SUN2: variants seen among roughly 807,000 people sequenced by gnomAD.
The protein encoded by SUN2 is SUN domain-containing protein 2.
Under a neutral mutation model 100.0 loss-of-function variants are expected in SUN2, and 60 were observed. The observed-to-expected ratio is 0.60, with a 90% CI of 0.49 to 0.74. The LOEUF (loss-of-function observed/expected upper bound fraction) is 0.74. Ranked by LOEUF, SUN2 falls within the 30% of genes least tolerant of loss-of-function variation. SUN2 has a pLI of 0.00. For missense variants in SUN2, 834 were observed against 954.6 expected, an observed-to-expected ratio of 0.87 and a Z score of 1.66; for synonymous variants, 367 against 403.3, an observed-to-expected ratio of 0.91 and a Z score of 1.08.
chr22:38,754,189 C>T (rs767598943), intron 1 of SUN2, among the ~76,000 whole-genome samples: 2 of 152,134 alleles, frequency 1.3e-5, no homozygotes, highest in Non-Finnish European at 2.9e-5. Flanking sequence ...GTCTAGACAC[C>T]CGAATTCAAA....
Position 38,736,164 on chromosome 22 carries a change from T to C in SUN2, c.*103A>G, listed in dbSNP as rs530243555. On this transcript the variant is annotated 3_prime_UTR_variant, in exon 18 of 18. Transcript: ENST00000689035. Reference sequence around the variant, plus strand: ...CTGCATGGGGCCACAGGCTCCTCTCTTGTGCTCCTAGAAGTCAGAGCGCCG... The same window carrying C: ...CTGCATGGGGCCACAGGCTCCTCTCCTGTGCTCCTAGAAGTCAGAGCGCCG... 2 of 1,127,506 alleles carry C rather than the reference T, an allele frequency of 1.8e-6. No individual in the cohort carries two copies. The highest frequency in any genetic ancestry group is 1.3e-6 in the Non-Finnish European group (1 of 746,400). 69.8% of individuals were successfully genotyped at this position (1,127,506 alleles called of 1,614,324 possible).
At position 38,755,503 on chromosome 22, in the gene SUN2, C is replaced by T; in HGVS notation, c.-38+260G>A. On this transcript the variant is annotated intron_variant, in intron 1 of 17. Transcript: ENST00000689035. This position sits in a 1 kb window ranked among gnomAD's most constrained non-coding sequence, Gnocchi z 5.7. Reference sequence around the variant, plus strand: ...GGGGCAGTCGGCCTTTGCCCTCCTCCTCCCGGGAGGCTGCCCGGGAAGTCC... The same window carrying T: ...GGGGCAGTCGGCCTTTGCCCTCCTCTTCCCGGGAGGCTGCCCGGGAAGTCC... 8 of 986,144 alleles carry T rather than the reference C, an allele frequency of 8.1e-6. No homozygotes were observed. The highest frequency in any genetic ancestry group is 9.6e-6 in the Non-Finnish European group (8 of 830,196). 61.1% of individuals were successfully genotyped at this position (986,144 alleles called of 1,614,324 possible).
chr22:38,742,155 A>G (rs1228834819), intron 9 of SUN2, 146 bp downstream of exon 9: 7 of 1,116,768 alleles, frequency 6.3e-6, no homozygotes, highest in African/African-American at 1.6e-5. Flanking sequence ...AAAGAAAAAA[A>G]AAAAAGAAAA....
chr22:38,740,183 G>A lies in SUN2; in HGVS notation c.1356+84C>T, dbSNP rs2092842627. The stretch of plus-strand genomic sequence containing the variant: ...GGCATAACAGAGGCTGCAGGGGCAA[G>A]GGGTGCTGCTTTGCAGGCCCCAGGA... On this transcript the variant is annotated intron_variant, in intron 12 of 17. Coordinates refer to ENST00000689035, the MANE Select transcript of SUN2 (RefSeq NM_015374.3). This position sits in a 1 kb window ranked among gnomAD's most constrained non-coding sequence, Gnocchi z 4.8. 1.4e-6 allele frequency: 2 copies of A among 1,432,232 alleles called. No individual in the cohort carries two copies. Among genetic ancestry groups the A allele is most frequent in the Admixed American group, 5.5e-5 (2 of 36,620 alleles). The allele number at this position is 1,432,232 out of a possible 1,614,324, so 88.7% of individuals were successfully genotyped here.
At chr22:38,747,346 A>G (rs532632207) in intron 7 of SUN2, among the ~76,000 whole-genome samples, 12 of 152,038 alleles carry the variant, frequency 7.9e-5, no homozygotes, top group East Asian at 1.9e-4. Context: ...AAAAAAAAAA[A>G]AAGAAGAAGA....
At chr22:38,754,559 T>A in intron 1 of SUN2, 1 of 1,082,038 alleles carries the variant, frequency 9.2e-7, no homozygotes, top group South Asian at 1.3e-5. Context: ...AAGCAGGAAG[T>A]TGGCCTGGGT....
At chr22:38,748,506 A>G (rs1009733573) in intron 7 of SUN2, among the ~76,000 whole-genome samples, 4 of 152,198 alleles carry the variant, frequency 2.6e-5, no homozygotes, top group Non-Finnish European at 4.4e-5. Flanking sequence ...TTGCGGCACT[A>G]GGGTGTGCTC....
Position 38,738,290 on chromosome 22 carries a change from G to A in SUN2, c.1948-25C>T. The A allele has an allele frequency of 6.3e-7, 1 of 1,598,544 alleles. No homozygotes were observed. The highest frequency in any genetic ancestry group is 8.6e-7 in the Non-Finnish European group (1 of 1,167,202). On this transcript the variant is annotated intron_variant, in intron 16 of 17. Coordinates refer to ENST00000689035, the MANE Select transcript of SUN2 (RefSeq NM_015374.3). This position sits in a 1 kb window ranked among gnomAD's most constrained non-coding sequence, Gnocchi z 6.6. ...CCTGCAAAGAGAGCGGAGGGAAGTGGGGAGGGGCTGGAGCAGGGAGAACAC... is the reference window on the plus strand; with the variant it reads ...CCTGCAAAGAGAGCGGAGGGAAGTGAGGAGGGGCTGGAGCAGGGAGAACAC...
chr22:38,755,493 TG>T lies in SUN2; in HGVS notation c.-38+269del, dbSNP rs1357339199. 1 of 986,660 alleles carries T rather than the reference TG, an allele frequency of 1.0e-6. No individual in the cohort carries two copies. Among genetic ancestry groups the T allele is most frequent in the Non-Finnish European group, 1.2e-6 (1 of 830,706 alleles). The allele number at this position is 986,660 out of a possible 1,614,324, so 61.1% of individuals were successfully genotyped here. A position where few individuals can be genotyped will look rare whatever the true frequency, so the allele number is the denominator to read the frequency against. ...GGGCCGGGTTGGGGCAGTCGGCCTT[TG>T]CCCTCCTCCTCCCGGGAGGCTGCCC... On this transcript the variant is annotated intron_variant, in intron 1 of 17. Coordinates refer to ENST00000689035, the MANE Select transcript of SUN2 (RefSeq NM_015374.3). The surrounding 1 kb of genome is among the most constrained non-coding windows in gnomAD (Gnocchi z 5.7).
At chr22:38,748,467 T>C (rs1214553152) in intron 7 of SUN2, among the ~76,000 whole-genome samples, 2 of 152,200 alleles carry the variant, frequency 1.3e-5, no homozygotes, top group Non-Finnish European at 2.9e-5. Context: ...CTAATGATAA[T>C]GGGAGGGCAT....
In SUN2 at chr22:38,738,801, C is replaced by T. The variant is rs762142084; in HGVS notation, c.1780-47G>A. 2.5e-6 allele frequency: 4 copies of T among 1,603,420 alleles called. No homozygotes were observed. The East Asian group carries it at 6.7e-5, about 27-fold the overall frequency. The stretch of plus-strand genomic sequence containing the variant: ...TCAGGACAGGGCCCTGAGTCCAGCT[C>T]TTGCTGACCCCAGATGGGACCAGCC... On this transcript the variant is annotated intron_variant, in intron 15 of 17. Transcript: ENST00000689035. This position sits in a 1 kb window ranked among gnomAD's most constrained non-coding sequence, Gnocchi z 6.6.
At position 38,751,129 on chromosome 22, in the gene SUN2, G is replaced by A. The variant is rs1405724331; in HGVS notation, c.286+81C>T. 5 of 1,606,042 alleles carry A rather than the reference G, an allele frequency of 3.1e-6. No individual in the cohort carries two copies. In the African/African-American group the frequency reaches 6.7e-5, roughly 22 times the overall value. ...GAGGTGCTCTGAGGAGGGAATCCCGGGGACTGCAGGGGACACTGTGAGGAG... is the reference window on the plus strand; with the variant it reads ...GAGGTGCTCTGAGGAGGGAATCCCGAGGACTGCAGGGGACACTGTGAGGAG... On this transcript the variant is annotated intron_variant, in intron 3 of 17. Transcript: ENST00000689035.
At position 38,740,936 on chromosome 22, in the gene SUN2, C is replaced by T. The variant is rs1414024798; in HGVS notation, c.1190+71G>A. The T allele has an allele frequency of 6.7e-7, 1 of 1,484,354 alleles. No individual in the cohort carries two copies. The highest frequency in any genetic ancestry group is 9.2e-7 in the Non-Finnish European group (1 of 1,087,430). 91.9% of individuals were successfully genotyped at this position (1,484,354 alleles called of 1,614,324 possible). On this transcript the variant is annotated intron_variant, in intron 11 of 17. Coordinates refer to ENST00000689035, the MANE Select transcript of SUN2 (RefSeq NM_015374.3). This position sits in a 1 kb window ranked among gnomAD's most constrained non-coding sequence, Gnocchi z 4.8. ...GAACTCTCTGCTCTGCGGCTCTGCT[C>T]CCCAGTCCTGCCTGGAGAGTGGGTG... is the stretch of plus-strand genomic sequence containing the variant.
At position 38,737,540 on chromosome 22, in the gene SUN2, C is replaced by T. The variant is rs1475376577; in HGVS notation, c.2040+633G>A. Among the ~76,000 whole-genome samples the T allele has an allele frequency of 6.6e-6, 1 of 152,152 alleles. No homozygotes were observed. Among genetic ancestry groups the T allele is most frequent in the East Asian group, 1.9e-4 (1 of 5,196 alleles). On this transcript the variant is annotated intron_variant, in intron 17 of 17. Transcript: ENST00000689035. The surrounding 1 kb of genome is among the most constrained non-coding windows in gnomAD (Gnocchi z 4.1). ...TCACCTGAAGCACAGCACTGCCTCC[C>T]CCAGGTCCCTGAGGGCTTATTTCCT...
chr22:38,744,432 T>C (rs1457712992), intron 8 of SUN2, among the ~76,000 whole-genome samples: 2 of 151,550 alleles, frequency 1.3e-5, no homozygotes, highest in African/African-American at 4.9e-5. Flanking sequence ...TTTTTAAAAA[T>C]TTGACAGACA....
chr22:38,748,841 C>T, intron 6 of SUN2, 58 bp from the exon 7 acceptor site: 1 of 1,547,780 alleles, frequency 6.5e-7, no homozygotes. Flanking sequence ...AGCTCCAGGC[C>T]TCCACGTTCC....
Position 38,734,835 on chromosome 22 carries a change from A to G in SUN2, c.*1432T>C, listed in dbSNP as rs2092787458. 1 of 185,034 alleles carries G rather than the reference A, an allele frequency of 5.4e-6. No individual in the cohort carries two copies. The highest frequency in any genetic ancestry group is 2.4e-5 in the African/African-American group (1 of 41,794). 11.5% of individuals were successfully genotyped at this position (185,034 alleles called of 1,614,324 possible). The stretch of plus-strand genomic sequence containing the variant: ...CATTTGTGACAGGAGAGCGCAAAAC[A>G]AACCCTGGCTGCCTCGGGATGGAGC... On this transcript the variant is annotated 3_prime_UTR_variant, in exon 18 of 18. Transcript: ENST00000689035.
Position 38,738,229 on chromosome 22 carries a change from G to T in SUN2, c.1984C>A (p.Leu662Ile), listed in dbSNP as rs781644199. ...TCCTGATCGTAAGTGAACTTGCCAA[G>T]GAGTGTCCCCTCCTGCTGCAGGTCT... ...DEDLQQEGTL[L>I]GKFTYDQDGE... The change falls in exon 17 of 18, where the codon CTT becomes ATT. Residue 662 changes from leucine to isoleucine, a missense_variant. Physicochemically the swap from Leu to Ile is conservative, Grantham distance 5. Around this residue, in one of 3 missense-constraint regions of SUN2, gnomAD observed 80 missense variants for 76.7 expected, o/e 1.04. Transcript: ENST00000689035. This position sits in a 1 kb window ranked among gnomAD's most constrained non-coding sequence, Gnocchi z 6.6. The T allele has an allele frequency of 1.1e-5, 18 of 1,613,862 alleles. No homozygotes were observed. In the South Asian group the frequency reaches 1.9e-4, roughly 17 times the overall value.
At chr22:38,748,424 GA>G (rs1275925545) in intron 7 of SUN2, among the ~76,000 whole-genome samples, 1 of 152,238 alleles carries the variant, frequency 6.6e-6, no homozygotes, top group Non-Finnish European at 1.5e-5. Flanking sequence ...CCTCATAGCA[GA>G]TGTCCCTGTT....
Sources: gnomAD v4.1 joint callset for allele counts (sites outside exome capture counted in the v4.1 genomes callset) on GRCh38, gnomAD v4.1.1 for gene constraint, gnomAD v4.1.1 regional missense constraint, Gnocchi (gnomAD v3.1) non-coding constraint, MANE v1.5 for transcripts, NCBI Gene and HGNC (gene_info 2026-07-23, HGNC 2026-07-21) for gene names.